ADRA2B: variants seen among roughly 807,000 people sequenced by gnomAD.
ADRA2B encodes alpha-2B adrenergic receptor.
ADRA2B carries 14 observed loss-of-function variants against 14.4 expected under a neutral mutation model. The observed-to-expected ratio is 0.97, with a 90% CI of 0.64 to 1.52. ADRA2B has a LOEUF of 1.52. Among genes scored for constraint, ADRA2B ranks in the 40% most tolerant of loss-of-function variants. The pLI is 0.00. For missense variants in ADRA2B, 606 were observed against 603.2 expected, an observed-to-expected ratio of 1.00 and a Z score of -0.05; for synonymous variants, 250 against 263.7, an observed-to-expected ratio of 0.95 and a Z score of 0.50.
In ADRA2B at chr2:96,112,971, C is replaced by T. The variant is rs1681785356; in HGVS notation, c.*1826G>A. Reference sequence around the variant, plus strand: ...CGCAATAAGAGGTCACAGGCAAGAACACTGGGGGTCCCATGGGGCGCACAC... The same window carrying T: ...CGCAATAAGAGGTCACAGGCAAGAATACTGGGGGTCCCATGGGGCGCACAC... On this transcript the variant is annotated 3_prime_UTR_variant, in exon 1 of 1. Coordinates refer to ENST00000620793, the MANE Select transcript of ADRA2B (RefSeq NM_000682.7). 2.6e-6 allele frequency: 1 copy of T among 389,288 alleles called. No individual in the cohort carries two copies. Among genetic ancestry groups the T allele is most frequent in the South Asian group, 1.4e-4 (1 of 7,230 alleles). 24.1% of individuals were successfully genotyped at this position (389,288 alleles called of 1,614,324 possible).
Position 96,115,867 on chromosome 2 carries a change from AGAGCACGTC to A in ADRA2B, c.274_282del (p.Asp92_Leu94del). 8 of 1,613,492 alleles carry A rather than the reference AGAGCACGTC, an allele frequency of 5.0e-6. No homozygotes were observed. The highest frequency in any genetic ancestry group is 6.8e-6 in the Non-Finnish European group (8 of 1,179,718). ...AGGTGCACGATGGACGAGGTGCAGA[AGAGCACGTC>A]GAGCGCCAGGTACACCTCGCACCAC... is the stretch of plus-strand genomic sequence containing the variant. On this transcript the variant is annotated inframe_deletion, in exon 1 of 1. Coordinates refer to ENST00000620793, the MANE Select transcript of ADRA2B (RefSeq NM_000682.7).
At position 96,115,902 on chromosome 2, in the gene ADRA2B, G is replaced by A. The variant is rs777594888; in HGVS notation, c.248C>T (p.Thr83Met). 26 of 1,613,536 alleles carry A rather than the reference G, an allele frequency of 1.6e-5. No individual in the cohort carries two copies. Among genetic ancestry groups the A allele is most frequent in the East Asian group, 2.2e-5 (1 of 44,856 alleles). ...GAGCGCCAGGTACACCTCGCACCACGTGCGCCGGAAGTACCAGTAGCCCAG... is the reference window on the plus strand; with the variant it reads ...GAGCGCCAGGTACACCTCGCACCACATGCGCCGGAAGTACCAGTAGCCCAG... Reference protein sequence around the residue: ...ELLGYWYFRRTWCEVYLALDV... With the variant: ...ELLGYWYFRRMWCEVYLALDV... The change falls in exon 1 of 1, where the codon ACG becomes ATG. Residue 83 changes from threonine (T) to methionine (M), a missense_variant. Thr to Met is a moderately conservative substitution (Grantham distance 81). Transcript: ENST00000620793.
chr2:96,114,663 G>T lies in ADRA2B; in HGVS notation c.*134C>A, dbSNP rs1681820646. ...GCCCCCCTGCCCACCCCTCCCAAGGGGTTCCTAAGATGAGGCCTACAGGAT... is the reference window on the plus strand; with the variant it reads ...GCCCCCCTGCCCACCCCTCCCAAGGTGTTCCTAAGATGAGGCCTACAGGAT... On this transcript the variant is annotated 3_prime_UTR_variant, in exon 1 of 1. Coordinates refer to ENST00000620793, the MANE Select transcript of ADRA2B (RefSeq NM_000682.7). 13 of 1,433,172 alleles carry T rather than the reference G, an allele frequency of 9.1e-6. No homozygotes were observed. In the East Asian group the frequency reaches 2.5e-4, roughly 28 times the overall value. The allele number at this position is 1,433,172 out of a possible 1,614,324, so 88.8% of individuals were successfully genotyped here.
rs1013513759 is a variant in ADRA2B at position 96,114,140 on chromosome 2, G to A, written c.*657C>T. On this transcript the variant is annotated 3_prime_UTR_variant, in exon 1 of 1. Transcript: ENST00000620793. ...TCCACGTGGCCACCCACCTACCGGAGGGGTGCTGGGTAAGGAAGCCGATCC... is the reference window on the plus strand; with the variant it reads ...TCCACGTGGCCACCCACCTACCGGAAGGGTGCTGGGTAAGGAAGCCGATCC... 1.0e-6 allele frequency: 1 copy of A among 985,644 alleles called. No individual in the cohort carries two copies. The highest frequency in any genetic ancestry group is 1.7e-5 in the African/African-American group (1 of 57,240). The allele number at this position is 985,644 out of a possible 1,614,324, so 61.1% of individuals were successfully genotyped here. A position where few individuals can be genotyped will look rare whatever the true frequency, so the allele number is the denominator to read the frequency against.
In ADRA2B at chr2:96,115,200, A is replaced by C; in HGVS notation, c.950T>G (p.Val317Gly). The C allele has an allele frequency of 1.3e-6, 2 of 1,564,276 alleles. No homozygotes were observed. Among genetic ancestry groups the C allele is most frequent in the Admixed American group, 1.9e-5 (1 of 51,904 alleles). Residue 317 changes from valine to glycine, a missense_variant, in exon 1 of 1, where the codon GTG becomes GGG. Transcript: ENST00000620793. ...GGGGCTGCAAGCTGAGGCCGGAGAC[A>C]CTGGCACTGCCTGGGGTTCACACTC... ...EEECEPQAVP[V>G]SPASACSPPL...
rs1681791341 is a variant in ADRA2B, at chr2:96,113,253, T to C, written c.*1544A>G. The C allele has an allele frequency of 2.5e-6, 1 of 398,416 alleles. No homozygotes were observed. Among genetic ancestry groups the C allele is most frequent in the South Asian group, 1.3e-4 (1 of 7,858 alleles). The allele number at this position is 398,416 out of a possible 1,614,324, so 24.7% of individuals were successfully genotyped here. ...AGCTAAGATGCCTACTGGCCCAATG[T>C]TGAAGCCAGGCCCTCTCCAAGGGAA... On this transcript the variant is annotated 3_prime_UTR_variant, in exon 1 of 1. Coordinates refer to ENST00000620793, the MANE Select transcript of ADRA2B (RefSeq NM_000682.7).
At position 96,113,381 on chromosome 2, in the gene ADRA2B, A is replaced by T; in HGVS notation, c.*1416T>A. 2.6e-6 allele frequency: 1 copy of T among 380,094 alleles called. No homozygotes were observed. Among genetic ancestry groups the T allele is most frequent in the Non-Finnish European group, 4.7e-6 (1 of 214,838 alleles). 23.5% of individuals were successfully genotyped at this position (380,094 alleles called of 1,614,324 possible). On this transcript the variant is annotated 3_prime_UTR_variant, in exon 1 of 1. Transcript: ENST00000620793. Reference sequence around the variant, plus strand: ...GGGGTCCTCAATGCACAGCCCCATCAGCATTGCGGGGAGCAGCGTGGCTGG... The same window carrying T: ...GGGGTCCTCAATGCACAGCCCCATCTGCATTGCGGGGAGCAGCGTGGCTGG...
At position 96,114,967 on chromosome 2, in the gene ADRA2B, C is replaced by T. The variant is rs1334980784; in HGVS notation, c.1183G>A (p.Ala395Thr). The T allele has an allele frequency of 6.2e-7, 1 of 1,613,312 alleles. No individual in the cohort carries two copies. Among genetic ancestry groups the T allele is most frequent in the African/African-American group, 1.3e-5 (1 of 75,050 alleles). The change falls in exon 1 of 1, where the codon GCC becomes ACC. Residue 395 changes from alanine to threonine, a missense_variant. Ala to Thr is a moderately conservative substitution (Grantham distance 58). Coordinates refer to ENST00000620793, the MANE Select transcript of ADRA2B (RefSeq NM_000682.7). ...FPFFFSYSLG[A>T]ICPKHCKVPH... The stretch of plus-strand genomic sequence containing the variant: ...ACCTTGCAGTGCTTCGGGCAGATGG[C>T]TCCCAGGCTGTAGCTGAAGAAGAAG...
In ADRA2B at chr2:96,114,387, A is replaced by C. The variant is rs1681815723; in HGVS notation, c.*410T>G. 1 of 1,001,528 alleles carries C rather than the reference A, an allele frequency of 1.0e-6. No individual in the cohort carries two copies. Among genetic ancestry groups the C allele is most frequent in the Admixed American group, 5.3e-5 (1 of 18,802 alleles). The allele number at this position is 1,001,528 out of a possible 1,614,324, so 62.0% of individuals were successfully genotyped here. A position where few individuals can be genotyped will look rare whatever the true frequency, so the allele number is the denominator to read the frequency against. On this transcript the variant is annotated 3_prime_UTR_variant, in exon 1 of 1. Coordinates refer to ENST00000620793, the MANE Select transcript of ADRA2B (RefSeq NM_000682.7). ...CGTGCTCTTTGTGGGTGGGGGGGAGATGAAAAAGAAACGAAAACACCACAA... is the reference window on the plus strand; with the variant it reads ...CGTGCTCTTTGTGGGTGGGGGGGAGCTGAAAAAGAAACGAAAACACCACAA...
At position 96,114,810 on chromosome 2, in the gene ADRA2B, T is replaced by C; in HGVS notation, c.1340A>G (p.Gln447Arg). 1 of 1,612,298 alleles carries C rather than the reference T, an allele frequency of 6.2e-7. No individual in the cohort carries two copies. ...GCGCAGGCGGGCTCACCAGGCCGTC[T>C]GGGTCCACGGGCGGCACAGGATCCT... Reference protein sequence around the residue: ...FRRILCRPWTQTAW With the variant: ...FRRILCRPWTRTAW The change falls in exon 1 of 1, where the codon CAG (glutamine) becomes CGG (arginine). Residue 447 changes from glutamine to arginine, a missense_variant. Physicochemically the swap from Gln to Arg is conservative, Grantham distance 43. Transcript: ENST00000620793.
Position 96,113,748 on chromosome 2 carries a change from C to A in ADRA2B, c.*1049G>T. Reference sequence around the variant, plus strand: ...TGTCATGTAGCGTAATAACTCAGACCTTTGCAGCCAGAAGAACACATTCTC... The same window carrying A: ...TGTCATGTAGCGTAATAACTCAGACATTTGCAGCCAGAAGAACACATTCTC... On this transcript the variant is annotated 3_prime_UTR_variant, in exon 1 of 1. Transcript: ENST00000620793. 1 of 326,782 alleles carries A rather than the reference C, an allele frequency of 3.1e-6. No individual in the cohort carries two copies. Among genetic ancestry groups the A allele is most frequent in the Non-Finnish European group, 4.4e-6 (1 of 227,934 alleles). 20.2% of individuals were successfully genotyped at this position (326,782 alleles called of 1,614,324 possible). A position where few individuals can be genotyped will look rare whatever the true frequency, so the allele number is the denominator to read the frequency against.
At position 96,115,473 on chromosome 2, in the gene ADRA2B, C is replaced by A. The variant is rs780609027; in HGVS notation, c.677G>T (p.Gly226Val). The change falls in exon 1 of 1, where the codon GGT becomes GTT. Residue 226 changes from glycine to valine, a missense_variant. Transcript: ENST00000620793. ...CAGTTTGGCTGAGGCCAAAGCCCCA[C>A]CATGGTCGGGTCGGGGCTGCTTGGA... ...GESKQPRPDHGGALASAKLPA... is the reference protein window; with the variant it reads ...GESKQPRPDHVGALASAKLPA... 7.4e-6 allele frequency: 12 copies of A among 1,613,386 alleles called. No homozygotes were observed. In the East Asian group the frequency reaches 8.9e-5, roughly 12 times the overall value.
In ADRA2B at chr2:96,115,568, G is replaced by A. The variant is rs1303871362; in HGVS notation, c.582C>T (p.Arg194=). 1 of 1,613,914 alleles carries A rather than the reference G, an allele frequency of 6.2e-7. No individual in the cohort carries two copies. Among genetic ancestry groups the A allele is most frequent in the East Asian group, 2.2e-5 (1 of 44,872 alleles). ...TGCTGCGTTTGGCGATCAGGTAGAT[G>A]CGCAGGTAGACAAGGATCATGATGA... The part of the protein sequence containing the change: ...PCLIMILVYL[R]IYLIAKRSNR... The change falls in exon 1 of 1, where the codon CGC becomes CGT. Residue 194 remains arginine, a synonymous_variant. Coordinates refer to ENST00000620793, the MANE Select transcript of ADRA2B (RefSeq NM_000682.7).
In ADRA2B at chr2:96,114,640, C is replaced by CT; in HGVS notation, c.*156_*157insA. 1 of 1,429,238 alleles carries CT rather than the reference C, an allele frequency of 7.0e-7. No individual in the cohort carries two copies. Among genetic ancestry groups the CT allele is most frequent in the Non-Finnish European group, 9.1e-7 (1 of 1,096,904 alleles). 88.5% of individuals were successfully genotyped at this position (1,429,238 alleles called of 1,614,324 possible). A position where few individuals can be genotyped will look rare whatever the true frequency, so the allele number is the denominator to read the frequency against. ...CTTCACTGGGACCCTTGCTAGCAGC[C>CT]CCCCTGCCCACCCCTCCCAAGGGGT... On this transcript the variant is annotated 3_prime_UTR_variant, in exon 1 of 1. Transcript: ENST00000620793.
chr2:96,115,336 G>C lies in ADRA2B; in HGVS notation c.814C>G (p.Pro272Ala). 1.9e-6 allele frequency: 3 copies of C among 1,601,694 alleles called. No homozygotes were observed. The highest frequency in any genetic ancestry group is 2.6e-6 in the Non-Finnish European group (3 of 1,172,806). Residue 272 changes from proline (P) to alanine (A), a missense_variant, in exon 1 of 1, where the codon CCC (proline) becomes GCC (alanine). By Grantham distance (27) the Pro-to-Ala change is conservative. Coordinates refer to ENST00000620793, the MANE Select transcript of ADRA2B (RefSeq NM_000682.7). ...GAGTTGGGAAGGGCAGCCCAACTGG[G>C]TGGCAAGGCCCGGGTCCCAGTATCT... ...PEDTGTRALP[P>A]SWAALPNSGQ...
At position 96,115,346 on chromosome 2, in the gene ADRA2B, C is replaced by G. The variant is rs781287713; in HGVS notation, c.804G>C (p.Arg268=). The change falls in exon 1 of 1, where the codon CGG becomes CGC. Residue 268 remains arginine, a synonymous_variant. Transcript: ENST00000620793. ...GGGCAGCCCAACTGGGTGGCAAGGC[C>G]CGGGTCCCAGTATCTTCAGGGGTCT... ...EGETPEDTGT[R]ALPPSWAALP... is the part of the protein sequence containing the mutation. 22 of 1,603,880 alleles carry G rather than the reference C, an allele frequency of 1.4e-5. No individual in the cohort carries two copies. The highest frequency in any genetic ancestry group is 3.4e-5 in the Admixed American group (2 of 59,400).
In ADRA2B at chr2:96,115,105, C is replaced by A; in HGVS notation, c.1045G>T (p.Val349Leu). The A allele has an allele frequency of 6.2e-7, 1 of 1,611,742 alleles. No homozygotes were observed. The highest frequency in any genetic ancestry group is 8.5e-7 in the Non-Finnish European group (1 of 1,179,030). ...LRGQVLLGRG[V>L]GAIGGQWWRR... is the part of the protein sequence containing the mutation. The stretch of plus-strand genomic sequence containing the variant: ...CACCACTGCCCACCTATAGCACCCA[C>A]GCCCCTGCCCAGGAGCACCTGGCCA... The change falls in exon 1 of 1, where the codon GTG becomes TTG. Residue 349 changes from valine to leucine, a missense_variant. Val to Leu is a conservative substitution (Grantham distance 32). Coordinates refer to ENST00000620793, the MANE Select transcript of ADRA2B (RefSeq NM_000682.7).
In ADRA2B at chr2:96,112,957, G is replaced by A. The variant is rs182407237; in HGVS notation, c.*1840C>T. 58 of 395,868 alleles carry A rather than the reference G, an allele frequency of 1.5e-4. No individual in the cohort carries two copies. The Middle Eastern group carries it at 5.1e-3, about 35-fold the overall frequency. The allele number at this position is 395,868 out of a possible 1,614,324, so 24.5% of individuals were successfully genotyped here. On this transcript the variant is annotated 3_prime_UTR_variant, in exon 1 of 1. Coordinates refer to ENST00000620793, the MANE Select transcript of ADRA2B (RefSeq NM_000682.7). ...CACCACCTGCATGTCGCAATAAGAG[G>A]TCACAGGCAAGAACACTGGGGGTCC...
rs1320241153 is a variant in ADRA2B at position 96,114,071 on chromosome 2, C to T, written c.*726G>A. 4.6e-5 allele frequency: 45 copies of T among 985,704 alleles called. No homozygotes were observed. The highest frequency in any genetic ancestry group is 4.9e-5 in the Non-Finnish European group (41 of 829,950). 61.1% of individuals were successfully genotyped at this position (985,704 alleles called of 1,614,324 possible). ...TGAATGCCAGTGATCGGGGATCTCC[C>T]GTCGAGGCAGAGACCAGGCCTCCAA... On this transcript the variant is annotated 3_prime_UTR_variant, in exon 1 of 1. Transcript: ENST00000620793.
Sources: gnomAD v4.1 joint callset for allele counts on GRCh38, gnomAD v4.1.1 for gene constraint, MANE v1.5 for transcripts, NCBI Gene and HGNC (gene_info 2026-07-23, HGNC 2026-07-21) for gene names.